ROBO1: variants seen among roughly 807,000 people sequenced by gnomAD.
The protein encoded by ROBO1 is roundabout homolog 1.
In ROBO1, 149 loss-of-function variants were observed where a neutral mutation model predicts 195.9. The observed-to-expected ratio is 0.76, with a 90% CI of 0.67 to 0.87. ROBO1 has a LOEUF of 0.87. Ranked by LOEUF, ROBO1 falls within the 40% of genes least tolerant of loss-of-function variation. The pLI is 0.00. For synonymous variants in ROBO1, 816 were observed against 733.2 expected, an observed-to-expected ratio of 1.11 and a Z score of -1.82; for missense variants, 1,933 against 2,068.3, an observed-to-expected ratio of 0.93 and a Z score of 1.27.
intron 3 of ROBO1, among the ~76,000 whole-genome samples, chr3:78,966,260 T>C (rs1000728782): frequency 2.8e-4 from 42 of 152,230 alleles, no homozygotes; most frequent in African/African-American, 9.9e-4. Context: ...CCAAAAAGGC[T>C]GGGGACCTCT....
At chr3:79,028,564 A>C (rs1348808392) in intron 3 of ROBO1, among the ~76,000 whole-genome samples, 1 of 151,962 alleles carries the variant, frequency 6.6e-6, no homozygotes, top group African/African-American at 2.4e-5. Flanking sequence ...TTTCTGGCTA[A>C]AGTCTTAGTA....
intron 2 of ROBO1, among the ~76,000 whole-genome samples, chr3:79,207,617 G>C (rs2081893594): frequency 2.0e-5 from 3 of 152,040 alleles, no homozygotes; most frequent in Admixed American, 2.0e-4. Context: ...TGGATGAAAA[G>C]CCAATGCTAT....
chr3:79,617,056 C>T (rs7426536), intron 1 of ROBO1, among the ~76,000 whole-genome samples: 40,790 of 151,990 alleles, frequency 0.27, 6,431 homozygotes, highest in African/African-American at 0.44. Context: ...AAATGAAGCT[C>T]ATGAGCCCTG....
At chr3:78,942,889 G>A (rs1409417049) in intron 3 of ROBO1, among the ~76,000 whole-genome samples, 1 of 152,050 alleles carries the variant, frequency 6.6e-6, no homozygotes, top group African/African-American at 2.4e-5. Context: ...TTCAGCCTGG[G>A]CAACATAGTG....
chr3:79,147,272 T>G (rs549042391), intron 2 of ROBO1, among the ~76,000 whole-genome samples: 1 of 152,110 alleles, frequency 6.6e-6, no homozygotes, highest in East Asian at 1.9e-4. Flanking sequence ...AGAGATACTT[T>G]GCCAATCACA....
chr3:79,296,356 CAT>C (rs1230509911), intron 2 of ROBO1, among the ~76,000 whole-genome samples: 1 of 152,136 alleles, frequency 6.6e-6, no homozygotes, highest in African/African-American at 2.4e-5. Flanking sequence ...ATTTATAACA[CAT>C]AGTTGAGCAA....
At chr3:79,616,928 G>C (rs1455674148) in intron 1 of ROBO1, among the ~76,000 whole-genome samples, 9 of 152,180 alleles carry the variant, frequency 5.9e-5, no homozygotes, top group Non-Finnish European at 1.5e-5. Flanking sequence ...AGAGCTGTCT[G>C]TTTGGGCTAA....
At chr3:78,833,166 G>A (rs1441992989) in intron 4 of ROBO1, among the ~76,000 whole-genome samples, 2 of 151,902 alleles carry the variant, frequency 1.3e-5, no homozygotes, top group Admixed American at 1.3e-4. Context: ...TGTTAGAATA[G>A]TCCACATGAG....
At chr3:79,522,326 G>C (rs1941243753) in intron 2 of ROBO1, among the ~76,000 whole-genome samples, 2 of 115,780 alleles carry the variant, frequency 1.7e-5, no homozygotes. Context: ...TCCCAAGACT[G>C]TTACTTTTTT....
chr3:78,681,695 G>A (rs1033082376), intron 10 of ROBO1, among the ~76,000 whole-genome samples: 3 of 152,106 alleles, frequency 2.0e-5, no homozygotes, highest in Non-Finnish European at 2.9e-5. Flanking sequence ...ACGAGGTCAG[G>A]AGATCAAGAC....
At chr3:79,117,926 T>C (rs1347107908) in intron 3 of ROBO1, among the ~76,000 whole-genome samples, 1 of 152,216 alleles carries the variant, frequency 6.6e-6, no homozygotes, top group Non-Finnish European at 1.5e-5. Flanking sequence ...CTTCTGGTTT[T>C]CAAGAAAAAT....
chr3:79,236,080 G>A (rs762364274), intron 2 of ROBO1, among the ~76,000 whole-genome samples: 10 of 151,944 alleles, frequency 6.6e-5, no homozygotes, highest in Non-Finnish European at 1.0e-4. Flanking sequence ...TACTTGTTAA[G>A]GGCATATATC....
intron 10 of ROBO1, among the ~76,000 whole-genome samples, chr3:78,675,230 C>T (rs1371542655): frequency 2.0e-5 from 3 of 151,602 alleles, no homozygotes; most frequent in Non-Finnish European, 2.9e-5. Context: ...CAGCTCCCAG[C>T]GTGAGCGACG....
intron 4 of ROBO1, among the ~76,000 whole-genome samples, chr3:78,926,489 T>C (rs2039227965): frequency 6.6e-6 from 1 of 152,102 alleles, no homozygotes; most frequent in African/African-American, 2.4e-5. Context: ...GAAGAATCAA[T>C]CGCAGGTTTC....
At chr3:78,843,512 G>GA (rs747713512) in intron 4 of ROBO1, among the ~76,000 whole-genome samples, 6 of 151,826 alleles carry the variant, frequency 4.0e-5, no homozygotes, top group Non-Finnish European at 7.4e-5. Flanking sequence ...TATACTTGCA[G>GA]AAAAAACAGC....
chr3:79,637,141 C>T (rs774469180), intron 1 of ROBO1, among the ~76,000 whole-genome samples: 10 of 152,186 alleles, frequency 6.6e-5, no homozygotes, highest in Non-Finnish European at 1.0e-4. Context: ...AACATTTCCA[C>T]TATCACGGAA....
At chr3:78,766,968 C>G (rs2083244782) in intron 4 of ROBO1, among the ~76,000 whole-genome samples, 1 of 152,058 alleles carries the variant, frequency 6.6e-6, no homozygotes, top group Non-Finnish European at 1.5e-5. Flanking sequence ...GGTATGAAAC[C>G]CACTTGATCA....
chr3:79,023,725 A>G (rs1412632657), intron 3 of ROBO1, among the ~76,000 whole-genome samples: 6 of 112,008 alleles, frequency 5.4e-5, no homozygotes, highest in Non-Finnish European at 1.0e-4. Flanking sequence ...TTTTTTTGAG[A>G]CAGAGTCTCA....
intron 4 of ROBO1, among the ~76,000 whole-genome samples, chr3:78,819,552 C>T (rs1367954608): frequency 6.6e-6 from 1 of 150,880 alleles, no homozygotes; most frequent in Admixed American, 6.6e-5. Flanking sequence ...CCTGTAATAT[C>T]AGCTGTCTGA....
Sources: gnomAD v4.1 joint callset for allele counts (sites outside exome capture counted in the v4.1 genomes callset) on GRCh38, gnomAD v4.1.1 for gene constraint, MANE v1.5 for transcripts, NCBI Gene and HGNC (gene_info 2026-07-23, HGNC 2026-07-21) for gene names.